The following ABCG2 variants were observed in gnomAD, a reference collection of about 807,000 sequenced individuals.
ABCG2 encodes ATP binding cassette subfamily G member 2 (JR blood group).
A neutral mutation model predicts 73.5 loss-of-function variants in ABCG2; 80 were observed. The ratio of observed to expected loss-of-function variants is 1.09; its 90% CI spans 0.91 to 1.31. The LOEUF (loss-of-function observed/expected upper bound fraction) is 1.31, where lower values mean the gene tolerates loss of function less well. Ranked by LOEUF, ABCG2 falls within the 50% of genes most tolerant of loss-of-function variation. The pLI, the probability that ABCG2 is intolerant of heterozygous loss-of-function variation, is 0.00. For synonymous variants in ABCG2, 269 were observed against 282.4 expected (o/e 0.95, Z 0.48); for missense variants, 796 against 786.2 (o/e 1.01, Z -0.15).
At chr4:88,114,925 C>T (rs776883378) in intron 8 of ABCG2, 32 bp downstream of exon 8, 42 of 1,510,872 alleles carry the variant, frequency 2.8e-5, no homozygotes, top group South Asian at 7.1e-5. Flanking sequence ...TTCAATTAGG[C>T]AAAAATCTGG....
intron 13 of ABCG2, among the ~76,000 whole-genome samples, 177 bp downstream of exon 13, chr4:88,097,276 G>A (rs934480896): frequency 7.2e-5 from 11 of 152,138 alleles, no homozygotes; most frequent in African/African-American, 2.4e-4. Flanking sequence ...GTTGGATAAG[G>A]GCAAAGAGGA....
intron 6 of ABCG2, among the ~76,000 whole-genome samples, chr4:88,120,840 T>C (rs1723917931): frequency 6.6e-6 from 1 of 152,118 alleles, no homozygotes; most frequent in African/African-American, 2.4e-5. Flanking sequence ...CATGATTGGT[T>C]TTAAAATGTG....
At chr4:88,144,497 C>T (rs1434585272) in intron 1 of ABCG2, among the ~76,000 whole-genome samples, 2 of 143,572 alleles carry the variant, frequency 1.4e-5, no homozygotes, top group South Asian at 2.2e-4. Context: ...CTCTTGTTGC[C>T]CAGGCTGGAG....
chr4:88,137,497 T>A (rs902042938), intron 2 of ABCG2, among the ~76,000 whole-genome samples: 1 of 152,056 alleles, frequency 6.6e-6, no homozygotes, highest in Non-Finnish European at 1.5e-5. Flanking sequence ...AGGGGTGGGA[T>A]GAGATAAGAA....
At position 88,117,524 on chromosome 4, in the gene ABCG2, C is replaced by G. The variant is rs181494644; in HGVS notation, c.841+585G>C. Among the ~76,000 whole-genome samples, 138 of 152,118 alleles carry G rather than the reference C, an allele frequency of 9.1e-4. 1 individual carries two copies. The highest frequency in any genetic ancestry group is 3.3e-3 in the African/African-American group (135 of 41,514). ...TGGTTGTGGGCGCCTGCAGTCCCAG[C>G]TACTCAGGAGGCTGAGGCAGGAGAA... On this transcript the variant is annotated intron_variant, in intron 7 of 15. Coordinates refer to ENST00000237612, the MANE Select transcript of ABCG2 (RefSeq NM_004827.3).
At chr4:88,219,642 C>T (rs944055813) in intron 1 of ABCG2, among the ~76,000 whole-genome samples, 4 of 121,898 alleles carry the variant, frequency 3.3e-5, no homozygotes, top group Non-Finnish European at 6.3e-5. Context: ...AGTGCAATGG[C>T]GCGATCTCCG....
intron 1 of ABCG2, among the ~76,000 whole-genome samples, chr4:88,183,039 C>T (rs149968371): frequency 0.1 from 14,162 of 136,616 alleles, 862 homozygotes; most frequent in East Asian, 0.25. Context: ...GAGCCGAGAT[C>T]GCACCACTGC....
chr4:88,191,968 C>T (rs1298820619), intron 1 of ABCG2, among the ~76,000 whole-genome samples: 2 of 152,076 alleles, frequency 1.3e-5, no homozygotes, highest in Admixed American at 6.6e-5. Context: ...CTCTGGCATT[C>T]GAGACCAGCC....
chr4:88,148,379 G>A (rs186311470), intron 1 of ABCG2, among the ~76,000 whole-genome samples: 1 of 152,308 alleles, frequency 6.6e-6, no homozygotes, highest in East Asian at 1.9e-4. Flanking sequence ...GTTGGGTCAT[G>A]TATACCATTC....
At chr4:88,202,242 G>C (rs1729196566) in intron 1 of ABCG2, among the ~76,000 whole-genome samples, 1 of 150,530 alleles carries the variant, frequency 6.6e-6, no homozygotes, top group African/African-American at 2.4e-5. Context: ...GTTATGTGAT[G>C]ACTCACATCT....
intron 5 of ABCG2, 151 bp from the exon 6 acceptor site, chr4:88,121,943 T>C: frequency 1.3e-6 from 1 of 752,326 alleles, no homozygotes; most frequent in Admixed American, 2.9e-5. Context: ...GTAGAAAAAG[T>C]AGGTATCTCT....
chr4:88,172,450 C>T (rs770989985), intron 1 of ABCG2, among the ~76,000 whole-genome samples: 52 of 150,970 alleles, frequency 3.4e-4, no homozygotes, highest in Non-Finnish European at 4.1e-4. Flanking sequence ...CAGTGGCACC[C>T]GCCTGTAATC....
intron 1 of ABCG2, among the ~76,000 whole-genome samples, chr4:88,195,401 CAGAT>C (rs1357472742): frequency 6.6e-6 from 1 of 152,108 alleles, no homozygotes; most frequent in African/African-American, 2.4e-5. Context: ...ATCCAGAAAA[CAGAT>C]AGGGTCCATA....
chr4:88,099,251 T>G (rs761787266), intron 12 of ABCG2, 73 bp downstream of exon 12: 4 of 1,391,818 alleles, frequency 2.9e-6, no homozygotes, highest in Non-Finnish European at 3.8e-6. Flanking sequence ...AAAAATATGC[T>G]TGCAAGGTGC....
chr4:88,170,135 A>G (rs1727701624), intron 1 of ABCG2, among the ~76,000 whole-genome samples: 1 of 149,926 alleles, frequency 6.7e-6, no homozygotes, highest in African/African-American at 2.4e-5. Flanking sequence ...AAAAAGCTGC[A>G]TTTTTAAACC....
Position 88,100,653 on chromosome 4 carries a change from A to AAAAT in ABCG2, c.1367+573_1367+576dup, listed in dbSNP as rs551317285. Among the ~76,000 whole-genome samples, 418 of 152,220 alleles carry AAAAT rather than the reference A, an allele frequency of 2.7e-3. 2 individuals carry two copies. Among genetic ancestry groups the AAAAT allele is most frequent in the African/African-American group, 7.1e-3 (293 of 41,542 alleles). ...CGACAAAGCAAGACCCTGTCTCCAA[A>AAAAT]AAATAAATAAATAAATAAATAGGAA... is the stretch of plus-strand genomic sequence containing the variant. On this transcript the variant is annotated intron_variant, in intron 11 of 15. Coordinates refer to ENST00000237612, the MANE Select transcript of ABCG2 (RefSeq NM_004827.3).
rs1313475538 is a variant in ABCG2 at position 88,139,947 on chromosome 4, T to A, written c.49A>T (p.Thr17Ser). 15 of 1,614,040 alleles carry A rather than the reference T, an allele frequency of 9.3e-6. No homozygotes were observed. The highest frequency in any genetic ancestry group is 1.7e-5 in the Admixed American group (1 of 60,002). Reference sequence around the variant, plus strand: ...GAAGCTGTCGCGGGGAAGCCATTGGTGTTTCCTTGTGACACTGGGATAAAA... The same window carrying A: ...GAAGCTGTCGCGGGGAAGCCATTGGAGTTTCCTTGTGACACTGGGATAAAA... The part of the protein sequence containing the change: ...EVFIPVSQGN[T>S]NGFPATASND... The change falls in exon 2 of 16, where the codon ACC (threonine) becomes TCC (serine). Residue 17 changes from threonine (T) to serine (S), a missense_variant. Physicochemically the swap from Thr to Ser is moderately conservative, Grantham distance 58. Coordinates refer to ENST00000237612, the MANE Select transcript of ABCG2 (RefSeq NM_004827.3).
In ABCG2 at chr4:88,139,517, T is replaced by C. The variant is rs376222347; in HGVS notation, c.203+276A>G. 7.2e-5 allele frequency among the ~76,000 whole-genome samples: 11 copies of C among 152,310 alleles called. No individual in the cohort carries two copies. The East Asian group carries it at 1.5e-3, about 21-fold the overall frequency. On this transcript the variant is annotated intron_variant, in intron 2 of 15. Coordinates refer to ENST00000237612, the MANE Select transcript of ABCG2 (RefSeq NM_004827.3). ...ATCTGCCTGCCTCGGCCTCCCAAAG[T>C]GCTGGGATTACAGGCATGAGCCACC...
At chr4:88,104,854 A>T (rs1480290038) in intron 10 of ABCG2, among the ~76,000 whole-genome samples, 2 of 152,106 alleles carry the variant, frequency 1.3e-5, no homozygotes, top group Non-Finnish European at 2.9e-5. Flanking sequence ...GAAACACCTA[A>T]AGTTCTTCTT....
Sources: allele counts gnomAD v4.1 joint callset (sites outside exome capture counted in the v4.1 genomes callset), GRCh38; gene constraint gnomAD v4.1.1; transcripts MANE v1.5; gene names NCBI Gene and HGNC (gene_info 2026-07-23, HGNC 2026-07-21).